The following DPY19L1 variants were observed in gnomAD, a reference collection of about 807,000 sequenced individuals.
DPY19L1 encodes the protein dpy-19 like C-mannosyltransferase 1.
Under a neutral mutation model 96.9 loss-of-function variants are expected in DPY19L1, and 35 were observed. The observed-to-expected ratio is 0.36, with a 90% CI of 0.28 to 0.48. DPY19L1 has a LOEUF of 0.48. Among genes scored for constraint, DPY19L1 ranks in the 20% least tolerant of loss-of-function variants. The probability of loss-of-function intolerance (pLI) is 0.99; values close to 1 mark genes in which losing one functional copy is unlikely to be tolerated. For synonymous variants in DPY19L1, 205 were observed against 252.6 expected, an observed-to-expected ratio of 0.81 and a Z score of 1.79; for missense variants, 521 against 777.9, an observed-to-expected ratio of 0.67 and a Z score of 3.93.
At chr7:35,009,783 A>T (rs1258782957) in intron 6 of DPY19L1, among the ~76,000 whole-genome samples, 1 of 152,166 alleles carries the variant, frequency 6.6e-6, no homozygotes, top group Non-Finnish European at 1.5e-5. Flanking sequence ...TTTTACACCA[A>T]AACTACAGTA....
intron 8 of DPY19L1, among the ~76,000 whole-genome samples, chr7:34,971,483 G>A (rs1411038903): frequency 2.0e-5 from 3 of 152,156 alleles, no homozygotes; most frequent in South Asian, 4.1e-4. Context: ...TGAAGATGGC[G>A]AGGAAGATCA....
At chr7:35,036,599 G>C (rs1027467629) in intron 1 of DPY19L1, among the ~76,000 whole-genome samples, 2 of 152,074 alleles carry the variant, frequency 1.3e-5, no homozygotes, top group Non-Finnish European at 2.9e-5. Context: ...CACCAGCGGC[G>C]TTTGCGGCCA....
rs1785112859 is a variant in DPY19L1 at position 34,989,245 on chromosome 7, G to A, written c.822+639C>T. Among the ~76,000 whole-genome samples, 3 of 152,144 alleles carry A rather than the reference G, an allele frequency of 2.0e-5. 1 individual carries two copies. The South Asian group carries it at 6.2e-4, about 32-fold the overall frequency. On this transcript the variant is annotated intron_variant, in intron 7 of 21. Coordinates refer to ENST00000638088, the MANE Select transcript of DPY19L1 (RefSeq NM_001366673.1). ...GCAACAAAAAGTTATCCCTACAAAA[G>A]AAAGTTGTATCAATTACCACCTACT... is the stretch of plus-strand genomic sequence containing the variant.
At chr7:35,005,441 G>C (rs1326479114) in intron 6 of DPY19L1, among the ~76,000 whole-genome samples, 3 of 151,560 alleles carry the variant, frequency 2.0e-5, no homozygotes, top group Non-Finnish European at 4.4e-5. Flanking sequence ...TCGCTGCTGG[G>C]GAGAGGAGGA....
chr7:35,016,121 C>T (rs1305362250), intron 3 of DPY19L1, among the ~76,000 whole-genome samples: 1 of 152,080 alleles, frequency 6.6e-6, no homozygotes, highest in Non-Finnish European at 1.5e-5. Context: ...AATACAATGG[C>T]CAATCTAGTA....
intron 1 of DPY19L1, among the ~76,000 whole-genome samples, chr7:35,032,760 C>A (rs1786291159): frequency 6.6e-6 from 1 of 152,136 alleles, no homozygotes; most frequent in Non-Finnish European, 1.5e-5. Flanking sequence ...TGAATGCCAG[C>A]ATTATTTACC....
At chr7:35,018,695 T>C in intron 1 of DPY19L1, 99 bp from the exon 2 acceptor site, 2 of 1,088,222 alleles carry the variant, frequency 1.8e-6, no homozygotes, top group Non-Finnish European at 2.7e-6. Context: ...TATTGAAATG[T>C]GTAAAAAAGA....
intron 10 of DPY19L1, among the ~76,000 whole-genome samples, chr7:34,965,975 CT>C (rs1302331343): frequency 7.2e-5 from 11 of 152,092 alleles, no homozygotes; most frequent in Non-Finnish European, 1.6e-4. Flanking sequence ...CTCCTACCCC[CT>C]GATCTTGGTG....
chr7:34,946,621 C>A (rs1014320711), intron 15 of DPY19L1, among the ~76,000 whole-genome samples: 1 of 152,176 alleles, frequency 6.6e-6, no homozygotes, highest in African/African-American at 2.4e-5. Flanking sequence ...ACACACAAAG[C>A]CTAGCACACA....
chr7:34,939,311 A>G lies in DPY19L1; in HGVS notation c.1929T>C (p.Ile643=). The G allele has an allele frequency of 6.2e-7, 1 of 1,613,874 alleles. No homozygotes were observed. The highest frequency in any genetic ancestry group is 8.5e-7 in the Non-Finnish European group (1 of 1,179,944). The change falls in exon 20 of 22, where the codon ATT becomes ATC. Residue 643 remains isoleucine, a synonymous_variant. Coordinates refer to ENST00000638088, the MANE Select transcript of DPY19L1 (RefSeq NM_001366673.1). ...ASVKLSALRP[I]VNHPHYEDAG... ...CGTCTTCATAATGTGGATGATTCAC[A>G]ATGGGCCGAAGTGCAGAGAGCTTAA...
In DPY19L1 at chr7:35,017,984, C is replaced by G; in HGVS notation, c.324-15G>C. 5 of 1,575,154 alleles carry G rather than the reference C, an allele frequency of 3.2e-6. No homozygotes were observed. The highest frequency in any genetic ancestry group is 4.3e-6 in the Non-Finnish European group (5 of 1,153,966). ...TTATATGGCTCCTGGAAAAACAAAA[C>G]AAAGCAATAGTGTTAAAACTTACAC... On this transcript the variant is annotated splice_polypyrimidine_tract_variant and intron_variant, in intron 2 of 21. Coordinates refer to ENST00000638088, the MANE Select transcript of DPY19L1 (RefSeq NM_001366673.1).
chr7:34,994,278 C>G (rs1225393001), intron 6 of DPY19L1, among the ~76,000 whole-genome samples: 1 of 151,996 alleles, frequency 6.6e-6, no homozygotes, highest in Non-Finnish European at 1.5e-5. Context: ...GATTACACAT[C>G]ATTTTCTTAT....
intron 3 of DPY19L1, among the ~76,000 whole-genome samples, chr7:35,017,472 G>T (rs1242040405): frequency 1.6e-5 from 2 of 127,330 alleles, no homozygotes; most frequent in African/African-American, 6.3e-5. Flanking sequence ...TCCGCAGTCC[G>T]GCCTGGGCGA....
intron 6 of DPY19L1, among the ~76,000 whole-genome samples, chr7:34,990,704 G>C (rs978324459): frequency 6.6e-6 from 1 of 152,172 alleles, no homozygotes; most frequent in African/African-American, 2.4e-5. Flanking sequence ...AGTCTGGGTA[G>C]GGGACATAAG....
chr7:35,005,105 ACT>A (rs1785520121), intron 6 of DPY19L1, among the ~76,000 whole-genome samples: 1 of 152,190 alleles, frequency 6.6e-6, no homozygotes, highest in South Asian at 2.1e-4. Context: ...CAACTTAAGT[ACT>A]TTTATAATTC....
In DPY19L1 at chr7:34,978,790, C is replaced by A. The variant is rs539296256; in HGVS notation, c.823-5185G>T. The stretch of plus-strand genomic sequence containing the variant: ...TGCATTTTAATTACTGATTGAGCAT[C>A]GCTAATCCAAAAAACCAAAATCTGA... On this transcript the variant is annotated intron_variant, in intron 7 of 21. Coordinates refer to ENST00000638088, the MANE Select transcript of DPY19L1 (RefSeq NM_001366673.1). 3.3e-5 allele frequency among the ~76,000 whole-genome samples: 5 copies of A among 152,112 alleles called. 1 individual carries two copies. Among genetic ancestry groups the A allele is most frequent in the African/African-American group, 1.2e-4 (5 of 41,534 alleles).
Position 34,947,824 on chromosome 7 carries a change from C to T in DPY19L1, c.1423-123G>A, listed in dbSNP as rs115969816. ...ATATGAACATTCACCAATCTACTCA[C>T]TGACTGCCATCATAAAAAGGAAGGT... is the stretch of plus-strand genomic sequence containing the variant. On this transcript the variant is annotated intron_variant, in intron 14 of 21. Coordinates refer to ENST00000638088, the MANE Select transcript of DPY19L1 (RefSeq NM_001366673.1). 640 of 718,574 alleles carry T rather than the reference C, an allele frequency of 8.9e-4. 4 individuals are homozygous for T. The African/African-American group carries it at 0.011, about 12-fold the overall frequency. 44.5% of individuals were successfully genotyped at this position (718,574 alleles called of 1,614,324 possible). A position where few individuals can be genotyped will look rare whatever the true frequency, so the allele number is the denominator to read the frequency against.
chr7:34,939,190 CATTCCTT>C, intron 20 of DPY19L1, 79 bp downstream of exon 20: 1 of 1,200,658 alleles, frequency 8.3e-7, no homozygotes, highest in Admixed American at 2.1e-5. Context: ...CCTTTTGAAA[CATTCCTT>C]ATTACTTTGC....
At chr7:35,023,001 G>GCC in intron 1 of DPY19L1, among the ~76,000 whole-genome samples, 1 of 152,190 alleles carries the variant, frequency 6.6e-6, no homozygotes, top group South Asian at 2.1e-4. Context: ...TTTCCTTCCT[G>GCC]CCCCAGCTCC....
Sources: gnomAD v4.1 joint callset for allele counts (sites outside exome capture counted in the v4.1 genomes callset) on GRCh38, gnomAD v4.1.1 for gene constraint, MANE v1.5 for transcripts, NCBI Gene and HGNC (gene_info 2026-07-23, HGNC 2026-07-21) for gene names.